The following PCDHA2 variants were observed in gnomAD, a reference collection of about 807,000 sequenced individuals.
The protein encoded by PCDHA2 is protocadherin alpha-2.
PCDHA2 carries 58 observed loss-of-function variants against 66.0 expected under a neutral mutation model. The observed-to-expected ratio is 0.88, with a 90% CI of 0.71 to 1.09. The LOEUF (loss-of-function observed/expected upper bound fraction) is 1.09, where lower values mean the gene tolerates loss of function less well. PCDHA2 is among the 50% of genes least tolerant of loss of function. PCDHA2 has a pLI of 0.00. For synonymous variants in PCDHA2, 634 were observed against 554.0 expected, an observed-to-expected ratio of 1.14 and a Z score of -2.03; for missense variants, 1,267 against 1,242.3, an observed-to-expected ratio of 1.02 and a Z score of -0.30.
chr5:140,823,215 C>A (rs916835953), intron 1 of PCDHA2: 12 of 1,613,770 alleles, frequency 7.4e-6, no homozygotes, highest in Non-Finnish European at 1.0e-5. Context: ...CTGCACGGGA[C>A]GCGGACGCGC....
Position 140,894,245 on chromosome 5 carries a change from C to T in PCDHA2, c.2389-84704C>T, listed in dbSNP as rs1273703512. ...AGATGTTGAATGACAATGTAATTTT[C>T]TTTTCTTTACAAGTGGTAGCTTATT... On this transcript the variant is annotated intron_variant, in intron 1 of 3. Coordinates refer to ENST00000526136, the MANE Select transcript of PCDHA2 (RefSeq NM_018905.3). 4.0e-5 allele frequency among the ~76,000 whole-genome samples: 6 copies of T among 151,858 alleles called. No homozygotes were observed. In the East Asian group the frequency reaches 1.2e-3, roughly 29 times the overall value.
Position 140,850,196 on chromosome 5 carries a change from A to C in PCDHA2, c.2388+52844A>C, listed in dbSNP as rs1367952118. 5 of 1,592,830 alleles carry C rather than the reference A, an allele frequency of 3.1e-6. No homozygotes were observed. The Admixed American group carries it at 8.4e-5, about 27-fold the overall frequency. On this transcript the variant is annotated intron_variant, in intron 1 of 3. Transcript: ENST00000526136. ...ACGACAATGCGCCGGCGCTGCTGAC[A>C]CCTCGGATGAGGGGCACTGACGGCG...
chr5:140,897,806 CA>C (rs1351917169), intron 1 of PCDHA2, among the ~76,000 whole-genome samples: 11 of 152,166 alleles, frequency 7.2e-5, no homozygotes, highest in African/African-American at 2.7e-4. Flanking sequence ...GTCCCACCAA[CA>C]GTGTAAAAGT....
At position 140,802,940 on chromosome 5, in the gene PCDHA2, G is replaced by T. The variant is rs782378272; in HGVS notation, c.2388+5588G>T. Reference sequence around the variant, plus strand: ...TCGGTGGCGCAGTGAGCGAGCTGGTGCCGCGGTCAGTGGGTGCGGGCCACG... The same window carrying T: ...TCGGTGGCGCAGTGAGCGAGCTGGTTCCGCGGTCAGTGGGTGCGGGCCACG... On this transcript the variant is annotated intron_variant, in intron 1 of 3. Coordinates refer to ENST00000526136, the MANE Select transcript of PCDHA2 (RefSeq NM_018905.3). 3.1e-6 allele frequency: 5 copies of T among 1,613,754 alleles called. No individual in the cohort carries two copies. The African/African-American group carries it at 6.7e-5, about 22-fold the overall frequency.
At chr5:140,938,055 T>C (rs1475337267) in intron 1 of PCDHA2, among the ~76,000 whole-genome samples, 1 of 152,232 alleles carries the variant, frequency 6.6e-6, no homozygotes, top group African/African-American at 2.4e-5. Flanking sequence ...TTTCTACATA[T>C]ACTGTCATGC....
In PCDHA2 at chr5:140,871,291, G is replaced by T. The variant is rs2052917819; in HGVS notation, c.2388+73939G>T. 3 of 1,613,906 alleles carry T rather than the reference G, an allele frequency of 1.9e-6. No individual in the cohort carries two copies. Among genetic ancestry groups the T allele is most frequent in the African/African-American group, 2.7e-5 (2 of 75,070 alleles). ...GTGGTCGGCAACGCCCACTGAGGGC[G>T]CGTGCGCGCCGGGGAAGCCCACGCT... On this transcript the variant is annotated intron_variant, in intron 1 of 3. Transcript: ENST00000526136.
At chr5:140,894,656 C>T (rs2064591261) in intron 1 of PCDHA2, among the ~76,000 whole-genome samples, 2 of 151,616 alleles carry the variant, frequency 1.3e-5, no homozygotes, top group Non-Finnish European at 2.9e-5. Flanking sequence ...CTCTCTAATT[C>T]TGATTTGTGT....
chr5:140,818,742 G>T (rs2150102273), intron 1 of PCDHA2, among the ~76,000 whole-genome samples: 1 of 152,326 alleles, frequency 6.6e-6, no homozygotes, highest in South Asian at 2.1e-4. Flanking sequence ...GGAGGCTGAA[G>T]TTGGAGGATG....
rs186453463 is a variant in PCDHA2 at position 140,951,770 on chromosome 5, C to T, written c.2389-27179C>T. On this transcript the variant is annotated intron_variant, in intron 1 of 3. Transcript: ENST00000526136. ...ACCCTCCGCGAAATCTCATGACGTT[C>T]TTACATTGCAAAATACAATTATCCC... 1.6e-3 allele frequency among the ~76,000 whole-genome samples: 247 copies of T among 152,268 alleles called. 1 individual carries two copies. The highest frequency in any genetic ancestry group is 5.5e-3 in the African/African-American group (229 of 41,576).
At chr5:140,829,237 C>A (rs782289656) in intron 1 of PCDHA2, 1 of 1,614,266 alleles carries the variant, frequency 6.2e-7, no homozygotes, top group Non-Finnish European at 8.5e-7. Flanking sequence ...CAGGTGCCAA[C>A]GGGCAGGTGA....
At position 140,993,767 on chromosome 5, in the gene PCDHA2, G is replaced by C. The variant is rs115607244; in HGVS notation, c.2536+11204G>C. ...ATACTTGCCATTATATTACAATTGC[G>C]CAGTATTTTGTACAGTAACATGCTG... On this transcript the variant is annotated intron_variant, in intron 3 of 3. Transcript: ENST00000526136. Among the ~76,000 whole-genome samples, 826 of 152,124 alleles carry C rather than the reference G, an allele frequency of 5.4e-3. 11 individuals are homozygous for C. Among genetic ancestry groups the C allele is most frequent in the African/African-American group, 0.018 (749 of 41,482 alleles).
intron 1 of PCDHA2, chr5:140,857,158 A>G: frequency 6.3e-7 from 1 of 1,598,190 alleles, no homozygotes; most frequent in East Asian, 2.2e-5. Context: ...TCATTGCCCT[A>G]ATCAGCGTTT....
intron 1 of PCDHA2, chr5:140,803,762 T>G (rs1562195951): frequency 5.2e-6 from 6 of 1,158,102 alleles, no homozygotes; most frequent in Non-Finnish European, 6.0e-6. Context: ...TTGCTAATTT[T>G]TGAACCAAAT....
At chr5:140,814,851 C>T (rs1174048705) in intron 1 of PCDHA2, 1 of 152,152 alleles carries the variant, frequency 6.6e-6, no homozygotes, top group Non-Finnish European at 1.5e-5. Context: ...ATGTTTGCCT[C>T]ATATATTTAG....
intron 1 of PCDHA2, chr5:140,850,726 CG>C: frequency 6.3e-7 from 1 of 1,597,804 alleles, no homozygotes; most frequent in Non-Finnish European, 8.6e-7. Context: ...TGTTCTAGCG[CG>C]GTGGGGAGTT....
intron 1 of PCDHA2, among the ~76,000 whole-genome samples, chr5:140,902,641 G>T (rs2069615645): frequency 6.6e-6 from 1 of 152,080 alleles, no homozygotes; most frequent in Non-Finnish European, 1.5e-5. Context: ...TGATTTCTGA[G>T]ATTTTGGTGC....
intron 1 of PCDHA2, chr5:140,861,620 A>G: frequency 2.9e-6 from 1 of 340,898 alleles, no homozygotes; most frequent in South Asian, 2.8e-5. Context: ...ACAACCTGCC[A>G]GTGTTCTCAG....
intron 1 of PCDHA2, chr5:140,835,818 G>A: frequency 6.2e-7 from 1 of 1,612,692 alleles, no homozygotes; most frequent in Non-Finnish European, 8.5e-7. Flanking sequence ...CACTGTGTCG[G>A]CGGGGGACGC....
At chr5:140,922,385 C>A (rs1267053151) in intron 1 of PCDHA2, among the ~76,000 whole-genome samples, 5 of 152,156 alleles carry the variant, frequency 3.3e-5, no homozygotes, top group Non-Finnish European at 7.4e-5. Context: ...AAACCAAAGA[C>A]TCCTTGTTTT....
Sources: allele counts gnomAD v4.1 joint callset (sites outside exome capture counted in the v4.1 genomes callset), GRCh38; gene constraint gnomAD v4.1.1; transcripts MANE v1.5; gene names NCBI Gene and HGNC (gene_info 2026-07-23, HGNC 2026-07-21).